VSIG10L: variants seen among roughly 807,000 people sequenced by gnomAD.
VSIG10L encodes V-set and immunoglobulin domain containing 10 like.
Under a neutral mutation model 67.3 loss-of-function variants are expected in VSIG10L, and 63 were observed. The ratio of observed to expected loss-of-function variants is 0.94; its 90% CI spans 0.76 to 1.15. The LOEUF (loss-of-function observed/expected upper bound fraction) is 1.15. Among genes scored for constraint, VSIG10L ranks in the 50% most tolerant of loss-of-function variants. The probability of loss-of-function intolerance (pLI) is 0.00; values close to 1 mark genes in which losing one functional copy is unlikely to be tolerated. For missense variants in VSIG10L, 1,050 were observed against 1,177.5 expected, an observed-to-expected ratio of 0.89 and a Z score of 1.58; for synonymous variants, 499 against 524.9, an observed-to-expected ratio of 0.95 and a Z score of 0.67.
rs1477967435 is a variant in VSIG10L at position 51,337,290 on chromosome 19, G to A, written c.2253C>T (p.Pro751=). The A allele has an allele frequency of 6.4e-7, 1 of 1,551,348 alleles. No homozygotes were observed. ...NPGTWTFRIL[P]ILGGQPGTPS... ...GAGTCCCTGGCTGGCCCCCCAGGAT[G>A]GGCAGGATCCGAAAGGTCCAGGTCC... The change falls in exon 7 of 10, where the codon CCC becomes CCT. Residue 751 remains proline, a synonymous_variant. Transcript: ENST00000335624.
chr19:51,338,929 G>T lies in VSIG10L; in HGVS notation c.1688C>A (p.Ala563Asp). ...RLSGVPITCL[A>D]RHLVATRTCT... ...GGTACGCGTGGCCACCAGGTGGCGA[G>T]CAAGGCAGGTGATGGGGACGCCGCT... Residue 563 changes from alanine to aspartate, a missense_variant, in exon 5 of 10, where the codon GCT becomes GAT. Ala to Asp is a moderately radical substitution (Grantham distance 126, BLOSUM62 -2). Around this residue, in one of 3 missense-constraint regions of VSIG10L, gnomAD observed 529 missense variants for 584.9 expected, o/e 0.90. Transcript: ENST00000335624. The T allele has an allele frequency of 1.4e-6, 2 of 1,449,092 alleles. No individual in the cohort carries two copies. Among genetic ancestry groups the T allele is most frequent in the African/African-American group, 3.0e-5 (2 of 67,332 alleles). The allele number at this position is 1,449,092 out of a possible 1,614,324, so 89.8% of individuals were successfully genotyped here. A position where few individuals can be genotyped will look rare whatever the true frequency, so the allele number is the denominator to read the frequency against.
Position 51,340,784 on chromosome 19 carries a change from C to T in VSIG10L, c.896-58G>A. 7.0e-7 allele frequency: 1 copy of T among 1,422,638 alleles called. No homozygotes were observed. Among genetic ancestry groups the T allele is most frequent in the Middle Eastern group, 2.6e-4 (1 of 3,886 alleles). 88.1% of individuals were successfully genotyped at this position (1,422,638 alleles called of 1,614,324 possible). On this transcript the variant is annotated intron_variant, in intron 2 of 9. Transcript: ENST00000335624. The surrounding 1 kb of genome is among the most constrained non-coding windows in gnomAD (Gnocchi z 6.3). ...CAGTCCTGGAGCCCATCTTTGGTCC[C>T]CTTAGAGGGAACCCCAGCCGCTGCT...
In VSIG10L at chr19:51,338,865, A is replaced by C. The variant is rs548428077; in HGVS notation, c.1729+23T>G. On this transcript the variant is annotated intron_variant, in intron 5 of 9. Transcript: ENST00000335624. ...GTCTCCCTCCTCCTCGAGAAACAGC[A>C]AAAAAGCCCCGCGCCCTCTCACCCG... The C allele has an allele frequency of 6.1e-5, 83 of 1,362,480 alleles. No individual in the cohort carries two copies. The Admixed American group carries it at 3.0e-3, about 49-fold the overall frequency. The allele number at this position is 1,362,480 out of a possible 1,614,324, so 84.4% of individuals were successfully genotyped here.
At position 51,337,542 on chromosome 19, in the gene VSIG10L, G is replaced by A; in HGVS notation, c.2009-8C>T. On this transcript the variant is annotated splice_polypyrimidine_tract_variant and splice_region_variant and intron_variant, in intron 6 of 9. Transcript: ENST00000335624. ...ACGAGGATATGGAGGGTCCTAGAGGGATGTGGGGGTGGCTGGATTCTTGGG... is the reference window on the plus strand; with the variant it reads ...ACGAGGATATGGAGGGTCCTAGAGGAATGTGGGGGTGGCTGGATTCTTGGG... 1 of 1,390,760 alleles carries A rather than the reference G, an allele frequency of 7.2e-7. No homozygotes were observed. The highest frequency in any genetic ancestry group is 9.6e-7 in the Non-Finnish European group (1 of 1,043,714). 86.2% of individuals were successfully genotyped at this position (1,390,760 alleles called of 1,614,324 possible). A position where few individuals can be genotyped will look rare whatever the true frequency, so the allele number is the denominator to read the frequency against.
At chr19:51,338,342 TACTC>T (rs1291270768) in intron 5 of VSIG10L, 134 bp from the exon 6 acceptor site, 8 of 905,300 alleles carry the variant, frequency 8.8e-6, no homozygotes, top group African/African-American at 1.7e-5. Context: ...ACTGCCAATT[TACTC>T]ACTCATTAGC....
In VSIG10L at chr19:51,340,619, T is replaced by A. The variant is rs1413527498; in HGVS notation, c.1003A>T (p.Ser335Cys). The change falls in exon 3 of 10, where the codon AGC (serine) becomes TGC (cysteine). Residue 335 changes from serine to cysteine, a missense_variant. Around this residue, in one of 3 missense-constraint regions of VSIG10L, gnomAD observed 511 missense variants for 557.9 expected, o/e 0.92. Coordinates refer to ENST00000335624, the MANE Select transcript of VSIG10L (RefSeq NM_001163922.3). The surrounding 1 kb of genome is among the most constrained non-coding windows in gnomAD (Gnocchi z 6.3). ...AGGGCGCGTCCGTCCCGGCTCCAGC[T>A]CAGCTCCCCGCGACCTGGCCCCCAC... ...LGWGPGRGELSWSRDGRALEA... is the reference protein window; with the variant it reads ...LGWGPGRGELCWSRDGRALEA... 1.3e-6 allele frequency: 2 copies of A among 1,534,662 alleles called. No homozygotes were observed. Among genetic ancestry groups the A allele is most frequent in the Admixed American group, 3.9e-5 (2 of 50,930 alleles).
At position 51,331,983 on chromosome 19, in the gene VSIG10L, ACT is replaced by A. The variant is rs1214020752; in HGVS notation, c.*626_*627del. ...AAAAGAAGTGTTATAAGCACAGCAA[ACT>A]CTAGGGGCAAAATAAATTGTGGCTG... On this transcript the variant is annotated 3_prime_UTR_variant, in exon 10 of 10. Coordinates refer to ENST00000335624, the MANE Select transcript of VSIG10L (RefSeq NM_001163922.3). 6.5e-6 allele frequency: 1 copy of A among 154,308 alleles called. No homozygotes were observed. Among genetic ancestry groups the A allele is most frequent in the Admixed American group, 6.4e-5 (1 of 15,678 alleles). 9.6% of individuals were successfully genotyped at this position (154,308 alleles called of 1,614,324 possible).
rs7259266 is a variant in VSIG10L, at chr19:51,340,554, C to T, written c.1068G>A (p.Met356Ile). Residue 356 changes from methionine (M) to isoleucine (I), a missense_variant, in exon 3 of 10, where the codon ATG becomes ATA. Around this residue, in one of 3 missense-constraint regions of VSIG10L, gnomAD observed 511 missense variants for 557.9 expected, o/e 0.92. Coordinates refer to ENST00000335624, the MANE Select transcript of VSIG10L (RefSeq NM_001163922.3). This position sits in a 1 kb window ranked among gnomAD's most constrained non-coding sequence, Gnocchi z 6.3. The stretch of plus-strand genomic sequence containing the variant: ...TGAGCAGCTGGTCGCCCTCTGAGCG[C>T]ATCCGGGGCGTCTCGGCTCCCTCCG... ...AESEGAETPR[M>I]RSEGDQLLIV... 0.57 allele frequency: 881,451 copies of T among 1,535,702 alleles called. 256,042 individuals are homozygous for T. Among genetic ancestry groups the T allele is most frequent in the South Asian group, 0.73 (61,387 of 83,996 alleles).
chr19:51,335,970 G>T (rs998625527), intron 7 of VSIG10L, among the ~76,000 whole-genome samples: 2 of 152,140 alleles, frequency 1.3e-5, no homozygotes, highest in Admixed American at 6.5e-5. Context: ...TTTCAAGAGA[G>T]AAGTCAGGGC....
At chr19:51,333,070 G>A (rs148151843) in intron 9 of VSIG10L, among the ~76,000 whole-genome samples, 4 of 152,098 alleles carry the variant, frequency 2.6e-5, no homozygotes, top group East Asian at 1.9e-4. Flanking sequence ...AGCTGGTATC[G>A]AACTCCTGAG....
Position 51,333,965 on chromosome 19 carries a change from G to A in VSIG10L, c.2420-20C>T, listed in dbSNP as rs777718415. ...TCTTTCCTGATTGAGAGGCAGAAGAGAAGCAGGAACACGTGATTGGCTGCC... is the reference window on the plus strand; with the variant it reads ...TCTTTCCTGATTGAGAGGCAGAAGAAAAGCAGGAACACGTGATTGGCTGCC... On this transcript the variant is annotated intron_variant, in intron 8 of 9. Coordinates refer to ENST00000335624, the MANE Select transcript of VSIG10L (RefSeq NM_001163922.3). 32 of 1,550,732 alleles carry A rather than the reference G, an allele frequency of 2.1e-5. No homozygotes were observed. Among genetic ancestry groups the A allele is most frequent in the South Asian group, 2.0e-4 (17 of 83,922 alleles).
intron 6 of VSIG10L, 75 bp from the exon 7 acceptor site, chr19:51,337,609 T>A: frequency 4.3e-6 from 1 of 235,064 alleles, no homozygotes; most frequent in East Asian, 1.4e-4. Context: ...GCTGGGCTCC[T>A]GGGTCTGAGG....
Position 51,333,107 on chromosome 19 carries a change from C to G in VSIG10L, c.2575-467G>C, listed in dbSNP as rs1035223699. ...TCAAGTGATTCTCTCTCCTCAACCA[C>G]CCGAAGTGCTGGGATTACAGGCATG... On this transcript the variant is annotated intron_variant, in intron 9 of 9. Coordinates refer to ENST00000335624, the MANE Select transcript of VSIG10L (RefSeq NM_001163922.3). Among the ~76,000 whole-genome samples, 6 of 152,292 alleles carry G rather than the reference C, an allele frequency of 3.9e-5. No individual in the cohort carries two copies. In the East Asian group the frequency reaches 9.7e-4, roughly 24 times the overall value.
chr19:51,341,710 G>A lies in VSIG10L; in HGVS notation c.338C>T (p.Thr113Ile). 6.4e-7 allele frequency: 1 copy of A among 1,551,682 alleles called. No homozygotes were observed. The highest frequency in any genetic ancestry group is 8.7e-7 in the Non-Finnish European group (1 of 1,146,980). Reference sequence around the variant, plus strand: ...ATCAGGAAATACTTCAGAACCAGGGGTTTCAGAGAAGGGGGAAACCGGGCT... The same window carrying A: ...ATCAGGAAATACTTCAGAACCAGGGATTTCAGAGAAGGGGGAAACCGGGCT... ...DLSPVSPFSETPGSEVFPDIS... is the reference protein window; with the variant it reads ...DLSPVSPFSEIPGSEVFPDIS... The change falls in exon 2 of 10, where the codon ACC becomes ATC. Residue 113 changes from threonine to isoleucine, a missense_variant. Thr to Ile is a moderately conservative substitution (Grantham distance 89). Coordinates refer to ENST00000335624, the MANE Select transcript of VSIG10L (RefSeq NM_001163922.3).
At chr19:51,334,804 C>T (rs1170776900) in intron 7 of VSIG10L, among the ~76,000 whole-genome samples, 4 of 148,366 alleles carry the variant, frequency 2.7e-5, no homozygotes, top group Non-Finnish European at 4.4e-5. Flanking sequence ...TAGCCAGGTG[C>T]GGTGGCTGCG....
In VSIG10L at chr19:51,341,455, G is replaced by A. The variant is rs1985635526; in HGVS notation, c.593C>T (p.Pro198Leu). 3 of 1,542,614 alleles carry A rather than the reference G, an allele frequency of 1.9e-6. No homozygotes were observed. The highest frequency in any genetic ancestry group is 1.2e-5 in the South Asian group (1 of 82,898). ...AASFPQQVGGPLAVLVGTTIR... is the reference protein window; with the variant it reads ...AASFPQQVGGLLAVLVGTTIR... ...GGTGGTCCCCACCAGCACAGCGAGT[G>A]GGCCCCCCACCTGCTGGGGAAAGCT... The change falls in exon 2 of 10, where the codon CCA becomes CTA. Residue 198 changes from proline (P) to leucine (L), a missense_variant. By Grantham distance (98) the Pro-to-Leu change is moderately conservative (BLOSUM62 -3). Around this residue, in one of 3 missense-constraint regions of VSIG10L, gnomAD observed 511 missense variants for 557.9 expected, o/e 0.92. Transcript: ENST00000335624.
rs752176135 is a variant in VSIG10L, at chr19:51,333,902, G to A, written c.2463C>T (p.Pro821=). The A allele has an allele frequency of 7.1e-6, 11 of 1,551,646 alleles. No individual in the cohort carries two copies. Among genetic ancestry groups the A allele is most frequent in the East Asian group, 2.4e-5 (1 of 40,916 alleles). The change falls in exon 9 of 10, where the codon CCC becomes CCT. Residue 821 remains proline (P), a synonymous_variant. Coordinates refer to ENST00000335624, the MANE Select transcript of VSIG10L (RefSeq NM_001163922.3). ...TCTTCTTTTCTGAGGGGGTGACCAC[G>A]GGGACCAAGGTAGAAGGATGCTTCT... The part of the protein sequence containing the change: ...EKKKHPSTLV[P]VVTPSEKKMH...
chr19:51,335,208 G>T (rs1398821295), intron 7 of VSIG10L, among the ~76,000 whole-genome samples: 1 of 152,222 alleles, frequency 6.6e-6, no homozygotes, highest in Non-Finnish European at 1.5e-5. Flanking sequence ...GCTGGAGGTG[G>T]AGAGTGAAGT....
intron 7 of VSIG10L, among the ~76,000 whole-genome samples, chr19:51,335,914 C>A (rs1280510241): frequency 6.6e-6 from 1 of 151,912 alleles, no homozygotes. Context: ...TCTGTCCACA[C>A]CCCCCACCTC....
Sources: gnomAD v4.1 joint callset for allele counts (sites outside exome capture counted in the v4.1 genomes callset) on GRCh38, gnomAD v4.1.1 for gene constraint, gnomAD v4.1.1 regional missense constraint, Gnocchi (gnomAD v3.1) non-coding constraint, MANE v1.5 for transcripts, NCBI Gene and HGNC (gene_info 2026-07-23, HGNC 2026-07-21) for gene names.